The following CYP2B6 variants were observed in gnomAD, a reference collection of about 807,000 sequenced individuals.
CYP2B6 encodes cytochrome P450 family 2 subfamily B member 6.
A neutral mutation model predicts 43.4 loss-of-function variants in CYP2B6; 35 were observed. The ratio of observed to expected loss-of-function variants is 0.81; its 90% CI spans 0.62 to 1.07. The LOEUF (loss-of-function observed/expected upper bound fraction) is 1.07. Ranked by LOEUF, CYP2B6 falls within the 50% of genes least tolerant of loss-of-function variation. CYP2B6 has a pLI of 0.00. For missense variants in CYP2B6, 624 were observed against 632.8 expected (o/e 0.99, Z 0.15); for synonymous variants, 239 against 239.2 (o/e 1.00, Z 0.01).
chr19:40,996,143 G>A (rs1430942136), intron 1 of CYP2B6, among the ~76,000 whole-genome samples: 3 of 152,110 alleles, frequency 2.0e-5, no homozygotes, highest in African/African-American at 7.2e-5. Context: ...GGGGAGTATA[G>A]GTAAGGTCCA....
intron 4 of CYP2B6, among the ~76,000 whole-genome samples, chr19:41,007,938 T>C (rs1312897252): frequency 1.3e-5 from 2 of 152,104 alleles, no homozygotes; most frequent in Non-Finnish European, 2.9e-5. Context: ...CTTCTGGTTC[T>C]TCTGTATCCT....
intron 6 of CYP2B6, among the ~76,000 whole-genome samples, chr19:41,011,062 T>C (rs1881895674): frequency 6.6e-6 from 1 of 152,262 alleles, no homozygotes; most frequent in Non-Finnish European, 1.5e-5. Flanking sequence ...GATCCACAAG[T>C]TGATCCTTTG....
intron 4 of CYP2B6, chr19:41,007,330 A>G (rs1323736251): frequency 6.3e-6 from 3 of 479,094 alleles, no homozygotes; most frequent in Non-Finnish European, 1.1e-5. Flanking sequence ...GAGCAAAAAC[A>G]AGACAAAGAA....
chr19:41,000,967 A>C (rs138734531), intron 1 of CYP2B6, among the ~76,000 whole-genome samples: 275 of 152,188 alleles, frequency 1.8e-3, no homozygotes, highest in African/African-American at 5.7e-3. Flanking sequence ...TGAACCCAGG[A>C]GGCGGAGTTT....
At chr19:41,003,707 G>A (rs1969130493) in intron 1 of CYP2B6, among the ~76,000 whole-genome samples, 1 of 152,120 alleles carries the variant, frequency 6.6e-6, no homozygotes, top group South Asian at 2.1e-4. Flanking sequence ...TTAGCAGCCT[G>A]AAGCCATGGT....
chr19:40,999,667 G>A (rs1294769630), intron 1 of CYP2B6, among the ~76,000 whole-genome samples: 3 of 152,062 alleles, frequency 2.0e-5, no homozygotes, highest in Admixed American at 2.0e-4. Flanking sequence ...AGGCTTGTCT[G>A]GAATGATATT....
intron 3 of CYP2B6, among the ~76,000 whole-genome samples, chr19:41,005,894 G>C (rs1334206334): frequency 6.6e-6 from 1 of 152,078 alleles, no homozygotes; most frequent in Admixed American, 6.6e-5. Context: ...GAAAATTAGA[G>C]AGACAGACAG....
At chr19:41,003,001 A>G (rs1002803719) in intron 1 of CYP2B6, among the ~76,000 whole-genome samples, 1 of 152,064 alleles carries the variant, frequency 6.6e-6, no homozygotes, top group Non-Finnish European at 1.5e-5. Flanking sequence ...CTATTGTGAG[A>G]ACCCTCACTG....
chr19:41,005,151 G>A (rs1288478033), intron 3 of CYP2B6, among the ~76,000 whole-genome samples: 1 of 152,154 alleles, frequency 6.6e-6, no homozygotes, highest in East Asian at 1.9e-4. Flanking sequence ...CTGATGAGCT[G>A]GCAGTGAGCA....
intron 1 of CYP2B6, among the ~76,000 whole-genome samples, chr19:41,002,467 C>A (rs1298426921): frequency 2.6e-5 from 4 of 152,116 alleles, no homozygotes; most frequent in Admixed American, 1.3e-4. Context: ...CGAAACCCTG[C>A]ACCCTGTTCT....
At chr19:41,013,122 G>T in intron 8 of CYP2B6, 1 of 358,142 alleles carries the variant, frequency 2.8e-6, no homozygotes, top group Non-Finnish European at 5.2e-6. Context: ...GTGCTGTACT[G>T]GGGGCTGAAG....
At chr19:41,003,964 G>C (rs1420826110) in intron 1 of CYP2B6, 37 bp from the exon 2 acceptor site, 1 of 1,602,922 alleles carries the variant, frequency 6.2e-7, no homozygotes, top group African/African-American at 1.3e-5. Flanking sequence ...GGTGTATGCT[G>C]ACTAACAGCC....
intron 1 of CYP2B6, among the ~76,000 whole-genome samples, chr19:40,999,305 T>G (rs539608810): frequency 2.6e-4 from 39 of 152,184 alleles, no homozygotes; most frequent in African/African-American, 9.4e-4. Flanking sequence ...GAGTTCATTG[T>G]AGATTCTGGA....
At chr19:41,005,529 C>T (rs1164408108) in intron 3 of CYP2B6, among the ~76,000 whole-genome samples, 2 of 151,894 alleles carry the variant, frequency 1.3e-5, no homozygotes, top group East Asian at 3.9e-4. Flanking sequence ...GCCTGTAATC[C>T]CAGCACTTTG....
At chr19:41,002,198 A>G (rs1467739045) in intron 1 of CYP2B6, among the ~76,000 whole-genome samples, 1 of 152,028 alleles carries the variant, frequency 6.6e-6, no homozygotes, top group Non-Finnish European at 1.5e-5. Context: ...ATTATTTTAC[A>G]TTTTAGTGGG....
intron 8 of CYP2B6, 111 bp downstream of exon 8, chr19:41,012,926 T>G (rs924036592): frequency 1.6e-6 from 2 of 1,229,594 alleles, no homozygotes; most frequent in African/African-American, 3.0e-5. Flanking sequence ...ATATTCTGAT[T>G]GCTTCACCTG....
At chr19:41,012,512 C>T (rs1969301356) in intron 7 of CYP2B6, 27 bp downstream of exon 7, 8 of 1,613,694 alleles carry the variant, frequency 5.0e-6, no homozygotes, top group South Asian at 2.2e-5. Context: ...CCCCATAGCC[C>T]TCCTGTTTGG....
In CYP2B6 at chr19:41,017,078, T is replaced by A. The variant is rs1352290014; in HGVS notation, c.*251T>A. ...TGTTTTTTGAGACAGAGTCTCACAC[T>A]GTTGCCCAGGCTGGAGTGCAGTGGC... is the stretch of plus-strand genomic sequence containing the variant. On this transcript the variant is annotated 3_prime_UTR_variant, in exon 9 of 9. Coordinates refer to ENST00000324071, the MANE Select transcript of CYP2B6 (RefSeq NM_000767.5). 5.2e-5 allele frequency: 15 copies of A among 289,846 alleles called. No individual in the cohort carries two copies. The highest frequency in any genetic ancestry group is 2.8e-4 in the Admixed American group (6 of 21,712). The allele number at this position is 289,846 out of a possible 1,614,324, so 18.0% of individuals were successfully genotyped here. A position where few individuals can be genotyped will look rare whatever the true frequency, so the allele number is the denominator to read the frequency against.
intron 3 of CYP2B6, among the ~76,000 whole-genome samples, chr19:41,005,383 A>T (rs145870236): frequency 6.6e-6 from 1 of 152,144 alleles, no homozygotes; most frequent in Non-Finnish European, 1.5e-5. Context: ...ATGGGGAGGT[A>T]GAGACCCAGG....
Sources: allele counts gnomAD v4.1 joint callset (sites outside exome capture counted in the v4.1 genomes callset), GRCh38; gene constraint gnomAD v4.1.1; transcripts MANE v1.5; gene names NCBI Gene and HGNC (gene_info 2026-07-23, HGNC 2026-07-21).